FHIP1A: variants seen among roughly 807,000 people sequenced by gnomAD.
FHIP1A encodes the protein FHF complex subunit HOOK interacting protein 1A.
Under a neutral mutation model 88.6 loss-of-function variants are expected in FHIP1A, and 61 were observed. That is an observed-to-expected ratio of 0.69 (90% CI 0.56 to 0.85). The LOEUF is 0.85. Among genes scored for constraint, FHIP1A ranks in the 40% least tolerant of loss-of-function variants. The pLI is 0.00. For missense variants in FHIP1A, 1,154 were observed against 1,273.5 expected, an observed-to-expected ratio of 0.91 and a Z score of 1.43; for synonymous variants, 478 against 496.0, an observed-to-expected ratio of 0.96 and a Z score of 0.48.
chr4:151,537,262 C>A (rs1449761709), intron 3 of FHIP1A, among the ~76,000 whole-genome samples: 1 of 152,058 alleles, frequency 6.6e-6, no homozygotes, highest in Non-Finnish European at 1.5e-5. Flanking sequence ...AGTATCTCTG[C>A]ATCTTTTCTG....
intron 3 of FHIP1A, among the ~76,000 whole-genome samples, chr4:151,485,305 CTGTT>C (rs1269519585): frequency 2.9e-5 from 2 of 68,308 alleles, no homozygotes; most frequent in African/African-American, 6.7e-5. Context: ...TTTTTTTTGT[CTGTT>C]CTAATTGACC....
At chr4:151,642,440 G>A in intron 9 of FHIP1A, among the ~76,000 whole-genome samples, 1 of 151,706 alleles carries the variant, frequency 6.6e-6, no homozygotes, top group South Asian at 2.1e-4. Flanking sequence ...GGAGCTAGGG[G>A]TTTGGAGGAA....
intron 7 of FHIP1A, among the ~76,000 whole-genome samples, chr4:151,604,432 T>G (rs1278891414): frequency 6.6e-6 from 1 of 152,178 alleles, no homozygotes; most frequent in Non-Finnish European, 1.5e-5. Flanking sequence ...GGAGATATTT[T>G]CAGTTTGTGA....
chr4:151,455,642 C>T (rs1179220154), intron 2 of FHIP1A, among the ~76,000 whole-genome samples: 1 of 152,130 alleles, frequency 6.6e-6, no homozygotes, highest in Non-Finnish European at 1.5e-5. Context: ...TCCTTCAGTG[C>T]TGTGGGTATT....
rs1737515649 is a variant in FHIP1A, at chr4:151,662,751, T to C, written c.3120T>C (p.Cys1040=). The change falls in exon 14 of 14, where the codon TGT becomes TGC. Residue 1040 remains cysteine (C), a synonymous_variant. Transcript: ENST00000435205. ...TGGGTGACTTTGAGGACTCCTGCTG[T>C]TAGCTTTTTTTTTTTTTTTTAATAG... The part of the protein sequence containing the change: ...KILGDFEDSC[C] 22 of 1,399,756 alleles carry C rather than the reference T, an allele frequency of 1.6e-5. No individual in the cohort carries two copies. The highest frequency in any genetic ancestry group is 2.0e-5 in the Non-Finnish European group (22 of 1,088,470). 86.7% of individuals were successfully genotyped at this position (1,399,756 alleles called of 1,614,324 possible).
intron 1 of FHIP1A, among the ~76,000 whole-genome samples, chr4:151,411,637 A>T (rs1732650569): frequency 6.6e-6 from 1 of 152,168 alleles, no homozygotes; most frequent in East Asian, 1.9e-4. Flanking sequence ...GGTGTGAGCC[A>T]CCATGCCTGG....
rs184517940 is a variant in FHIP1A at position 151,665,011 on chromosome 4, G to A, written c.*2257G>A. ...TTATTTTTTTGAGACAGGATCTTGC[G>A]CTGCCTGGGCTAGAGTGGAGTGGTG... On this transcript the variant is annotated 3_prime_UTR_variant, in exon 14 of 14. Transcript: ENST00000435205. Among the ~76,000 whole-genome samples, 202 of 152,074 alleles carry A rather than the reference G, an allele frequency of 1.3e-3. No individual in the cohort carries two copies. Among genetic ancestry groups the A allele is most frequent in the Non-Finnish European group, 1.3e-3 (86 of 68,006 alleles).
intron 3 of FHIP1A, among the ~76,000 whole-genome samples, chr4:151,539,982 C>G (rs1732224825): frequency 6.6e-6 from 1 of 152,194 alleles, no homozygotes; most frequent in African/African-American, 2.4e-5. Context: ...TGAATTGATT[C>G]ATACTGAGGT....
chr4:151,513,176 C>A (rs1731101421), intron 3 of FHIP1A, among the ~76,000 whole-genome samples: 1 of 152,246 alleles, frequency 6.6e-6, no homozygotes, highest in African/African-American at 2.4e-5. Context: ...GAATTTTCAA[C>A]CCAGAATTTC....
Position 151,650,108 on chromosome 4 carries a change from A to C in FHIP1A, c.2067A>C (p.Pro689=), listed in dbSNP as rs1364812595. Residue 689 remains proline (P), a synonymous_variant, in exon 11 of 14, where the codon CCA becomes CCC. Transcript: ENST00000435205. ...INNGPLLSTQ[P]ETDSEEEWNR... is the part of the protein sequence containing the mutation. ...ACGGCCCCCTCCTCAGCACCCAGCC[A>C]GAGACAGATTCAGAGGAGGAGTGGA... 6.4e-7 allele frequency: 1 copy of C among 1,551,712 alleles called. No homozygotes were observed. Among genetic ancestry groups the C allele is most frequent in the Admixed American group, 2.0e-5 (1 of 51,006 alleles).
intron 1 of FHIP1A, among the ~76,000 whole-genome samples, chr4:151,438,552 G>T (rs1728291592): frequency 6.8e-6 from 1 of 146,804 alleles, no homozygotes; most frequent in Non-Finnish European, 1.5e-5. Flanking sequence ...TACCTCACCA[G>T]AATTATTTAT....
At chr4:151,586,586 T>A (rs1231141928) in intron 5 of FHIP1A, 55 bp from the exon 6 acceptor site, 1 of 1,426,312 alleles carries the variant, frequency 7.0e-7, no homozygotes, top group African/African-American at 1.4e-5. Context: ...GAGCTGTTAA[T>A]TGCAGGTTGA....
At chr4:151,662,112 G>C (rs984444624) in intron 13 of FHIP1A, among the ~76,000 whole-genome samples, 13 of 152,370 alleles carry the variant, frequency 8.5e-5, no homozygotes, top group Middle Eastern at 3.4e-3. Context: ...CCCAGCATGA[G>C]AGGCTGGCAG....
chr4:151,526,728 G>C (rs1161445979), intron 3 of FHIP1A, among the ~76,000 whole-genome samples: 1 of 151,828 alleles, frequency 6.6e-6, no homozygotes, highest in Non-Finnish European at 1.5e-5. Flanking sequence ...CTTCCCAGAC[G>C]GGGCGGCTGC....
chr4:151,457,982 G>C (rs1729023209), intron 2 of FHIP1A, among the ~76,000 whole-genome samples: 1 of 152,244 alleles, frequency 6.6e-6, no homozygotes, highest in African/African-American at 2.4e-5. Context: ...AATGGTAGTA[G>C]AGTAGTCATG....
At chr4:151,419,419 C>G (rs1033329197) in intron 1 of FHIP1A, among the ~76,000 whole-genome samples, 20 of 152,276 alleles carry the variant, frequency 1.3e-4, no homozygotes, top group Admixed American at 9.8e-4. Flanking sequence ...AAGCCACTTC[C>G]TTATAATAAG....
intron 3 of FHIP1A, among the ~76,000 whole-genome samples, chr4:151,502,236 G>C (rs577035038): frequency 6.6e-6 from 1 of 151,836 alleles, no homozygotes; most frequent in East Asian, 1.9e-4. Flanking sequence ...AGGATTGCTT[G>C]AGCCTAGAAG....
rs775648585 is a variant in FHIP1A at position 151,577,933 on chromosome 4, ATCT to A, written c.593_595del (p.Phe198del). 5.8e-6 allele frequency: 9 copies of A among 1,551,442 alleles called. No individual in the cohort carries two copies. The African/African-American group carries it at 1.2e-4, about 21-fold the overall frequency. ...AGACCAAGGCGCTGCCAACTTCCTC[ATCT>A]TCTCCCTTCTGATTCCCTTCATTCA... On this transcript the variant is annotated inframe_deletion, in exon 5 of 14. Coordinates refer to ENST00000435205, the MANE Select transcript of FHIP1A (RefSeq NM_001109977.3).
rs537932512 is a variant in FHIP1A at position 151,516,830 on chromosome 4, A to G, written c.-123+34182A>G. On this transcript the variant is annotated intron_variant, in intron 3 of 13. Coordinates refer to ENST00000435205, the MANE Select transcript of FHIP1A (RefSeq NM_001109977.3). ...GGTGCTGGAGAGGATATGGAGAAAT[A>G]GGAACACTTTTCCACTGTTGGTGGG... is the stretch of plus-strand genomic sequence containing the variant. 3.3e-5 allele frequency among the ~76,000 whole-genome samples: 5 copies of G among 151,644 alleles called. No individual in the cohort carries two copies. In the East Asian group the frequency reaches 7.7e-4, roughly 23 times the overall value.
Sources: gnomAD v4.1 joint callset for allele counts (sites outside exome capture counted in the v4.1 genomes callset) on GRCh38, gnomAD v4.1.1 for gene constraint, MANE v1.5 for transcripts, NCBI Gene and HGNC (gene_info 2026-07-23, HGNC 2026-07-21) for gene names.